Variants in KIRREL3 observed in about 807,000 individuals in gnomAD.
KIRREL3 encodes the protein kirre like nephrin family adhesion molecule 3, also known as kin of IRRE-like protein 3.
Under a neutral mutation model 89.7 loss-of-function variants are expected in KIRREL3, and 36 were observed. The ratio of observed to expected loss-of-function variants is 0.40; its 90% confidence interval spans 0.31 to 0.53. KIRREL3 has a LOEUF of 0.53. KIRREL3 is among the 20% of genes least tolerant of loss of function. The pLI, the probability that KIRREL3 is intolerant of heterozygous loss-of-function variation, is 0.49. For synonymous variants in KIRREL3, 445 were observed against 441.4 expected (o/e 1.01, Z -0.10); for missense variants, 864 against 1,056.6 (o/e 0.82, Z 2.53).
At chr11:126,726,797 T>C in intron 1 of KIRREL3, among the ~76,000 whole-genome samples, 1 of 152,258 alleles carries the variant, frequency 6.6e-6, no homozygotes, top group Non-Finnish European at 1.5e-5. Context: ...GTGTTGAGCA[T>C]GCCATGCGTT....
At position 126,716,828 on chromosome 11, in the gene KIRREL3, A is replaced by G. The variant is rs373529589; in HGVS notation, c.56-153916T>C. Among the ~76,000 whole-genome samples the G allele has an allele frequency of 2.6e-5, 4 of 151,574 alleles. No individual in the cohort carries two copies. The East Asian group carries it at 7.7e-4, about 29-fold the overall frequency. ...TCATTTTATACTGGACCTCATCTAG[A>G]TGGGATCCACCCATTATTTGCAGTG... is the stretch of plus-strand genomic sequence containing the variant. On this transcript the variant is annotated intron_variant, in intron 1 of 16. Transcript: ENST00000525144.
intron 1 of KIRREL3, among the ~76,000 whole-genome samples, chr11:126,596,287 T>C (rs906305646): frequency 2.0e-5 from 3 of 151,956 alleles, no homozygotes; most frequent in Non-Finnish European, 4.4e-5. Context: ...ATATGGTAGA[T>C]GTTGAGTACA....
At chr11:126,929,062 C>A (rs138945737) in intron 1 of KIRREL3, among the ~76,000 whole-genome samples, 8 of 152,146 alleles carry the variant, frequency 5.3e-5, no homozygotes, top group Non-Finnish European at 1.0e-4. Flanking sequence ...CCCTTAGGAG[C>A]TTTTCAAGGA....
intron 1 of KIRREL3, among the ~76,000 whole-genome samples, chr11:126,838,802 T>G (rs1243749030): frequency 6.6e-6 from 1 of 152,186 alleles, no homozygotes; most frequent in Admixed American, 6.5e-5. Flanking sequence ...AGGGGGGAAA[T>G]ATATGATCCA....
At chr11:126,435,426 A>AC (rs1022742635) in intron 12 of KIRREL3, 123 bp from the exon 13 acceptor site, 51 of 932,776 alleles carry the variant, frequency 5.5e-5, no homozygotes, top group African/African-American at 9.8e-5. Context: ...TGTCTCTGGG[A>AC]CCCCCCAACA....
intron 2 of KIRREL3, among the ~76,000 whole-genome samples, chr11:126,552,475 G>A (rs10893538): frequency 0.18 from 26,754 of 146,886 alleles, 6,369 homozygotes; most frequent in African/African-American, 0.55. Context: ...TTGCTTAGAA[G>A]TTATCTCTGT....
intron 1 of KIRREL3, among the ~76,000 whole-genome samples, chr11:126,663,754 T>G (rs1350943407): frequency 6.6e-6 from 1 of 152,220 alleles, no homozygotes; most frequent in Non-Finnish European, 1.5e-5. Flanking sequence ...CTGGAGCCAG[T>G]TACAGATTTC....
At chr11:126,979,056 A>C (rs1949654888) in intron 1 of KIRREL3, among the ~76,000 whole-genome samples, 1 of 152,064 alleles carries the variant, frequency 6.6e-6, no homozygotes, top group Non-Finnish European at 1.5e-5. Flanking sequence ...AAAAGCGCAA[A>C]CTCTCAGACA....
At chr11:126,435,198 T>C in intron 13 of KIRREL3, 70 bp downstream of exon 13, 2 of 1,535,228 alleles carry the variant, frequency 1.3e-6, no homozygotes, top group Non-Finnish European at 1.8e-6. Context: ...CCCTGCTGGG[T>C]TCCCTCCCCA....
In KIRREL3 at chr11:126,687,076, A is replaced by T. The variant is rs75137227; in HGVS notation, c.56-124164T>A. Among the ~76,000 whole-genome samples the T allele has an allele frequency of 6.6e-4, 100 of 152,276 alleles. No homozygotes were observed. Among genetic ancestry groups the T allele is most frequent in the African/African-American group, 1.3e-3 (54 of 41,538 alleles). ...GGTTGCAAGTGTGGTTGGGGCCAAGACCACAACACGTGTTCAAGGTATGTC... is the reference window on the plus strand; with the variant it reads ...GGTTGCAAGTGTGGTTGGGGCCAAGTCCACAACACGTGTTCAAGGTATGTC... On this transcript the variant is annotated intron_variant, in intron 1 of 16. Coordinates refer to ENST00000525144, the MANE Select transcript of KIRREL3 (RefSeq NM_032531.4). The surrounding 1 kb of genome is among the most constrained non-coding windows in gnomAD (Gnocchi z 4.6).
rs111371288 is a variant in KIRREL3, at chr11:126,862,626, G to A, written c.55+137829C>T. On this transcript the variant is annotated intron_variant, in intron 1 of 16. Coordinates refer to ENST00000525144, the MANE Select transcript of KIRREL3 (RefSeq NM_032531.4). ...AGAGGTTCACTGCTCTCCACGCTGC[G>A]TCAACAGAGCGAGTGTTGCACCAGG... is the stretch of plus-strand genomic sequence containing the variant. Among the ~76,000 whole-genome samples, 282 of 152,304 alleles carry A rather than the reference G, an allele frequency of 1.9e-3. 1 individual carries two copies. Among genetic ancestry groups the A allele is most frequent in the African/African-American group, 6.0e-3 (248 of 41,564 alleles).
rs1946664266 is a variant in KIRREL3, at chr11:126,908,198, A to G, written c.55+92257T>C. On this transcript the variant is annotated intron_variant, in intron 1 of 16. Transcript: ENST00000525144. The surrounding 1 kb of genome is among the most constrained non-coding windows in gnomAD (Gnocchi z 4.2). The stretch of plus-strand genomic sequence containing the variant: ...CCGTATTTTCAGTGCCTAGGCACAT[A>G]ATAGACCCTTGATAAATATTTATTA... Among the ~76,000 whole-genome samples the G allele has an allele frequency of 6.6e-6, 1 of 152,228 alleles. No homozygotes were observed. The highest frequency in any genetic ancestry group is 2.4e-5 in the African/African-American group (1 of 41,446).
intron 15 of KIRREL3, 111 bp from the exon 16 acceptor site, chr11:126,425,835 A>G (rs1954923408): frequency 1.3e-6 from 1 of 770,916 alleles, no homozygotes; most frequent in South Asian, 1.7e-5. Flanking sequence ...AACCCCCACC[A>G]CCCCTCACTG....
At chr11:126,679,125 G>A (rs1946337116) in intron 1 of KIRREL3, among the ~76,000 whole-genome samples, 2 of 152,188 alleles carry the variant, frequency 1.3e-5, no homozygotes. Context: ...CCTGAATGTG[G>A]ATGTGATGAC....
In KIRREL3 at chr11:126,830,360, A is replaced by G. The variant is rs1048786325; in HGVS notation, c.55+170095T>C. Among the ~76,000 whole-genome samples the G allele has an allele frequency of 9.2e-5, 14 of 152,326 alleles. No homozygotes were observed. Among genetic ancestry groups the G allele is most frequent in the African/African-American group, 2.6e-4 (11 of 41,568 alleles). On this transcript the variant is annotated intron_variant, in intron 1 of 16. Coordinates refer to ENST00000525144, the MANE Select transcript of KIRREL3 (RefSeq NM_032531.4). The surrounding 1 kb of genome is among the most constrained non-coding windows in gnomAD (Gnocchi z 4.9). Reference sequence around the variant, plus strand: ...CTTCATAAGTATGAACAGCATCATTACCAAGTGGCGCCCACAGAATGGAAC... The same window carrying G: ...CTTCATAAGTATGAACAGCATCATTGCCAAGTGGCGCCCACAGAATGGAAC...
rs1324849916 is a variant in KIRREL3, at chr11:126,474,721, C to T, written c.434-1255G>A. 6.6e-6 allele frequency among the ~76,000 whole-genome samples: 1 copy of T among 152,204 alleles called. No individual in the cohort carries two copies. Among genetic ancestry groups the T allele is most frequent in the Non-Finnish European group, 1.5e-5 (1 of 68,032 alleles). On this transcript the variant is annotated intron_variant, in intron 4 of 16. Transcript: ENST00000525144. This position sits in a 1 kb window ranked among gnomAD's most constrained non-coding sequence, Gnocchi z 6.7. ...GGAGCACGGTCTCCGCAGTGCCCAG[C>T]ACAGAGCCCTGTGCTGGGGAAACTC...
At chr11:126,790,771 C>T (rs975600604) in intron 1 of KIRREL3, among the ~76,000 whole-genome samples, 20 of 152,142 alleles carry the variant, frequency 1.3e-4, no homozygotes, top group East Asian at 1.9e-4. Flanking sequence ...GACTGGAGCT[C>T]GGCTCTGTGG....
At chr11:126,679,275 C>A (rs140335514) in intron 1 of KIRREL3, among the ~76,000 whole-genome samples, 3 of 152,218 alleles carry the variant, frequency 2.0e-5, no homozygotes, top group Admixed American at 6.5e-5. Flanking sequence ...TACTTCTGGA[C>A]CTTTTGTTAA....
At chr11:126,967,497 G>T (rs1169633670) in intron 1 of KIRREL3, among the ~76,000 whole-genome samples, 1 of 151,860 alleles carries the variant, frequency 6.6e-6, no homozygotes. Flanking sequence ...TAACCTTCAG[G>T]TGCCCTTTTC....
Sources: allele counts gnomAD v4.1 joint callset (sites outside exome capture counted in the v4.1 genomes callset), GRCh38; gene constraint gnomAD v4.1.1; non-coding constraint Gnocchi (gnomAD v3.1); transcripts MANE v1.5; gene names NCBI Gene and HGNC (gene_info 2026-07-23, HGNC 2026-07-21).